Variants in CYP39A1 observed in about 807,000 individuals in gnomAD.
The protein encoded by CYP39A1 is 24-hydroxycholesterol 7-alpha-hydroxylase.
In CYP39A1, 49 loss-of-function variants were observed where a neutral mutation model predicts 58.1. The ratio of observed to expected loss-of-function variants is 0.84; its 90% CI spans 0.67 to 1.07. The LOEUF is 1.07. CYP39A1 is among the 50% of genes least tolerant of loss of function. The pLI is 0.00. For missense variants in CYP39A1, 531 were observed against 539.4 expected (o/e 0.98, Z 0.16); for synonymous variants, 209 against 187.6 (o/e 1.11, Z -0.93).
At chr6:46,572,056 C>G (rs1412027761) in intron 10 of CYP39A1, among the ~76,000 whole-genome samples, 1 of 152,078 alleles carries the variant, frequency 6.6e-6, no homozygotes, top group Admixed American at 6.6e-5. Context: ...TTTTACTTCT[C>G]TCCTACCCCC....
At chr6:46,611,430 A>G (rs1341439286) in intron 7 of CYP39A1, among the ~76,000 whole-genome samples, 5 of 152,232 alleles carry the variant, frequency 3.3e-5, no homozygotes, top group African/African-American at 4.8e-5. Flanking sequence ...GATAAGGAGA[A>G]TTGACAGGCT....
chr6:46,629,772 A>G (rs191758183), intron 6 of CYP39A1, among the ~76,000 whole-genome samples: 1 of 152,362 alleles, frequency 6.6e-6, no homozygotes, highest in Admixed American at 6.5e-5. Context: ...CCTCCTGTTT[A>G]GTAGAAAACA....
intron 10 of CYP39A1, among the ~76,000 whole-genome samples, chr6:46,574,708 C>A (rs1468619715): frequency 6.6e-6 from 1 of 152,072 alleles, no homozygotes; most frequent in Non-Finnish European, 1.5e-5. Context: ...CCCAGGTATT[C>A]TGTGCACAGG....
At position 46,612,103 on chromosome 6, in the gene CYP39A1, G is replaced by A. The variant is rs537540113; in HGVS notation, c.931+13315C>T. Among the ~76,000 whole-genome samples the A allele has an allele frequency of 2.5e-4, 38 of 152,234 alleles. No homozygotes were observed. The South Asian group carries it at 7.3e-3, about 29-fold the overall frequency. ...CTCCAAGCTTATAAATATGAACAGGGATATCAAATAATCTACAGCTATCAG... is the reference window on the plus strand; with the variant it reads ...CTCCAAGCTTATAAATATGAACAGGAATATCAAATAATCTACAGCTATCAG... On this transcript the variant is annotated intron_variant, in intron 7 of 11. Transcript: ENST00000275016.
intron 5 of CYP39A1, among the ~76,000 whole-genome samples, chr6:46,634,347 C>T (rs1321736786): frequency 6.6e-6 from 1 of 152,160 alleles, no homozygotes; most frequent in Non-Finnish European, 1.5e-5. Context: ...AAACCTCTTT[C>T]TTTTGTAAAT....
intron 5 of CYP39A1, among the ~76,000 whole-genome samples, chr6:46,633,975 G>A (rs1440593617): frequency 6.6e-6 from 1 of 152,196 alleles, no homozygotes; most frequent in African/African-American, 2.4e-5. Context: ...AACTGCTCAT[G>A]GATGTTCAAG....
At chr6:46,595,481 G>A (rs1773091236) in intron 8 of CYP39A1, among the ~76,000 whole-genome samples, 2 of 151,876 alleles carry the variant, frequency 1.3e-5, no homozygotes, top group African/African-American at 4.8e-5. Flanking sequence ...AAACAAGCCA[G>A]GAAGAATGAC....
intron 7 of CYP39A1, among the ~76,000 whole-genome samples, chr6:46,607,464 TACACACACAC>T (rs3839568): frequency 1.4e-5 from 2 of 145,512 alleles, no homozygotes; most frequent in South Asian, 2.2e-4. Flanking sequence ...CCCTTCCCCC[TACACACACAC>T]ACACACACAC....
chr6:46,576,326 T>C (rs1415385384), intron 10 of CYP39A1, among the ~76,000 whole-genome samples: 2 of 151,806 alleles, frequency 1.3e-5, no homozygotes, highest in Non-Finnish European at 2.9e-5. Flanking sequence ...CCAAACCATA[T>C]CAGGTATCAA....
At chr6:46,561,778 G>T (rs1374502334) in intron 10 of CYP39A1, among the ~76,000 whole-genome samples, 21 of 152,168 alleles carry the variant, frequency 1.4e-4, no homozygotes, top group Non-Finnish European at 1.5e-5. Context: ...AAGCAAATGA[G>T]AAATGCAAAC....
chr6:46,601,586 G>C (rs530662368), intron 7 of CYP39A1, among the ~76,000 whole-genome samples: 6 of 152,158 alleles, frequency 3.9e-5, no homozygotes, highest in African/African-American at 1.4e-4. Flanking sequence ...TGCCCACAAG[G>C]TTGCTGTCAG....
At chr6:46,635,642 C>G (rs928118441) in intron 5 of CYP39A1, among the ~76,000 whole-genome samples, 2 of 152,168 alleles carry the variant, frequency 1.3e-5, no homozygotes, top group Non-Finnish European at 2.9e-5. Context: ...GCTTTCACTT[C>G]CCCAGGCTCA....
intron 2 of CYP39A1, 123 bp from the exon 3 acceptor site, chr6:46,639,791 ACCTCCC>A: frequency 2.8e-6 from 2 of 704,134 alleles, no homozygotes; most frequent in South Asian, 4.1e-5. Context: ...ACATAAGGTC[ACCTCCC>A]ATAAATAAAA....
intron 10 of CYP39A1, among the ~76,000 whole-genome samples, chr6:46,564,663 T>A (rs1230838162): frequency 6.6e-6 from 1 of 152,190 alleles, no homozygotes; most frequent in Non-Finnish European, 1.5e-5. Context: ...TAATTTTAGA[T>A]GTCTTGATTT....
Position 46,652,455 on chromosome 6 carries a change from A to G in CYP39A1, c.128T>C (p.Phe43Ser). The G allele has an allele frequency of 6.2e-7, 1 of 1,613,876 alleles. No individual in the cohort carries two copies. The highest frequency in any genetic ancestry group is 8.5e-7 in the Non-Finnish European group (1 of 1,179,926). Residue 43 changes from phenylalanine to serine, a missense_variant, in exon 1 of 12, where the codon TTT becomes TCT. Phe to Ser is a radical substitution (Grantham distance 155, BLOSUM62 -2). Transcript: ENST00000275016. ...TTCTAGAGGGGCTTTCCCAAACTCAAATCCAACTCCAATCCAAGGAATCCA... is the reference window on the plus strand; with the variant it reads ...TTCTAGAGGGGCTTTCCCAAACTCAGATCCAACTCCAATCCAAGGAATCCA... ...KGWIPWIGVG[F>S]EFGKAPLEFI...
At chr6:46,648,571 T>C (rs1305320862) in intron 1 of CYP39A1, among the ~76,000 whole-genome samples, 1 of 150,704 alleles carries the variant, frequency 6.6e-6, no homozygotes, top group Non-Finnish European at 1.5e-5. Flanking sequence ...CTAATATAAA[T>C]GATGAGTTAC....
intron 10 of CYP39A1, among the ~76,000 whole-genome samples, chr6:46,578,889 C>T (rs1456841148): frequency 6.6e-6 from 1 of 151,900 alleles, no homozygotes; most frequent in Non-Finnish European, 1.5e-5. Flanking sequence ...AGAGCTGGTA[C>T]CAATCTTGAA....
At chr6:46,634,682 A>G (rs1355657643) in intron 5 of CYP39A1, among the ~76,000 whole-genome samples, 1 of 151,560 alleles carries the variant, frequency 6.6e-6, no homozygotes, top group Non-Finnish European at 1.5e-5. Flanking sequence ...CCACCATGCC[A>G]GGCTAATTTT....
chr6:46,652,384 C>T, intron 1 of CYP39A1, 22 bp downstream of exon 1: 1 of 1,592,618 alleles, frequency 6.3e-7, no homozygotes, highest in Non-Finnish European at 8.5e-7. Context: ...CTCTGGAGAC[C>T]CCGTCTGCCA....
Sources: gnomAD v4.1 joint callset for allele counts (sites outside exome capture counted in the v4.1 genomes callset) on GRCh38, gnomAD v4.1.1 for gene constraint, MANE v1.5 for transcripts, NCBI Gene and HGNC (gene_info 2026-07-23, HGNC 2026-07-21) for gene names.